Variants in GOLM2 observed in about 807,000 individuals in gnomAD.
The protein encoded by GOLM2 is golgi membrane protein 2, also known as protein GOLM2.
A neutral mutation model predicts 55.9 loss-of-function variants in GOLM2; 26 were observed. The observed-to-expected ratio is 0.47, with a 90% CI of 0.34 to 0.65. The LOEUF (loss-of-function observed/expected upper bound fraction) is 0.65, where lower values mean the gene tolerates loss of function less well. Among genes scored for constraint, GOLM2 ranks in the 30% least tolerant of loss-of-function variants. The pLI is 0.01. For missense variants in GOLM2, 486 were observed against 531.8 expected (o/e 0.91, Z 0.85); for synonymous variants, 165 against 194.6 (o/e 0.85, Z 1.27).
intron 8 of GOLM2, among the ~76,000 whole-genome samples, chr15:44,386,774 G>C (rs1483777296): frequency 6.6e-6 from 1 of 152,182 alleles, no homozygotes; most frequent in African/African-American, 2.4e-5. Flanking sequence ...TGGATGCTGA[G>C]GTGGGAGGAT....
At chr15:44,321,974 G>A (rs2078953564) in intron 1 of GOLM2, among the ~76,000 whole-genome samples, 1 of 152,114 alleles carries the variant, frequency 6.6e-6, no homozygotes, top group African/African-American at 2.4e-5. Flanking sequence ...TAGGAGGATA[G>A]ACTTGGGCCC....
chr15:44,345,138 T>A (rs1240270030), intron 6 of GOLM2, among the ~76,000 whole-genome samples: 2 of 151,034 alleles, frequency 1.3e-5, no homozygotes, highest in Admixed American at 1.3e-4. Flanking sequence ...AGATGGAGTT[T>A]CGCTCTTGTA....
chr15:44,300,967 C>A (rs947711271), intron 1 of GOLM2, among the ~76,000 whole-genome samples: 4 of 152,172 alleles, frequency 2.6e-5, no homozygotes, highest in African/African-American at 9.7e-5. Context: ...ATGTCTGATT[C>A]TTTCTCTTTT....
At chr15:44,376,759 A>G (rs971537518) in intron 6 of GOLM2, among the ~76,000 whole-genome samples, 14 of 152,184 alleles carry the variant, frequency 9.2e-5, no homozygotes, top group Non-Finnish European at 1.9e-4. Context: ...ACGACTAACT[A>G]TAATAATTAC....
At chr15:44,362,040 A>C (rs2079244146) in intron 6 of GOLM2, among the ~76,000 whole-genome samples, 1 of 152,204 alleles carries the variant, frequency 6.6e-6, no homozygotes, top group African/African-American at 2.4e-5. Flanking sequence ...GATGGAACAT[A>C]TCTCAAAATA....
At chr15:44,334,439 A>G (rs1044258584) in intron 4 of GOLM2, among the ~76,000 whole-genome samples, 2 of 152,226 alleles carry the variant, frequency 1.3e-5, no homozygotes, top group South Asian at 2.1e-4. Context: ...CCACATGTCT[A>G]TCATAGAAAT....
At chr15:44,296,727 C>A (rs1034059413) in intron 1 of GOLM2, among the ~76,000 whole-genome samples, 2 of 152,188 alleles carry the variant, frequency 1.3e-5, no homozygotes, top group Non-Finnish European at 2.9e-5. Flanking sequence ...CTACCTGCCT[C>A]ACCCTTTGCT....
intron 9 of GOLM2, among the ~76,000 whole-genome samples, chr15:44,405,171 C>T (rs2079589698): frequency 6.6e-6 from 1 of 152,198 alleles, no homozygotes; most frequent in African/African-American, 2.4e-5. Flanking sequence ...TACTTCAAGT[C>T]CCCAAGACCC....
chr15:44,339,364 A>G (rs1184994375), intron 6 of GOLM2, among the ~76,000 whole-genome samples: 1 of 152,124 alleles, frequency 6.6e-6, no homozygotes, highest in Non-Finnish European at 1.5e-5. Flanking sequence ...TTTGAGATAC[A>G]GTCTCTCTCT....
chr15:44,410,787 A>G (rs1469431680), intron 9 of GOLM2, among the ~76,000 whole-genome samples: 3 of 150,816 alleles, frequency 2.0e-5, no homozygotes, highest in Non-Finnish European at 4.4e-5. Context: ...CTGTAGTCCT[A>G]GCTACTCAGA....
chr15:44,303,145 CTAAATCTAGTA>C (rs2078811367), intron 1 of GOLM2, among the ~76,000 whole-genome samples: 1 of 150,754 alleles, frequency 6.6e-6, no homozygotes, highest in African/African-American at 2.5e-5. Flanking sequence ...AATAAATAGT[CTAAATCTAGTA>C]TAAATCTAAC....
In GOLM2 at chr15:44,333,057, C is replaced by T. The variant is rs549008636; in HGVS notation, c.576+979C>T. Among the ~76,000 whole-genome samples, 7 of 152,088 alleles carry T rather than the reference C, an allele frequency of 4.6e-5. No homozygotes were observed. The South Asian group carries it at 8.3e-4, about 18-fold the overall frequency. Reference sequence around the variant, plus strand: ...ACGCCATTCTCCTGCCTCAGCCTCCCGAGTAGCTCGGACTACAGGCGCCTG... The same window carrying T: ...ACGCCATTCTCCTGCCTCAGCCTCCTGAGTAGCTCGGACTACAGGCGCCTG... On this transcript the variant is annotated intron_variant, in intron 4 of 9. Transcript: ENST00000299957.
rs1491095871 is a variant in GOLM2, at chr15:44,369,067, T to TTTTATATATATA, written c.803-10622_803-10621insTTATATATATAT. ...AGATATATACATATAATAGGATATA[T>TTTTATATATATA]TATATATATATATATATATATATAT... On this transcript the variant is annotated intron_variant, in intron 6 of 9. Coordinates refer to ENST00000299957, the MANE Select transcript of GOLM2 (RefSeq NM_138423.4). 2.2e-4 allele frequency among the ~76,000 whole-genome samples: 5 copies of TTTTATATATATA among 22,960 alleles called. 1 individual carries two copies. Among genetic ancestry groups the TTTTATATATATA allele is most frequent in the African/African-American group, 6.1e-4 (4 of 6,514 alleles). 15.1% of individuals were successfully genotyped at this position (22,960 alleles called of 152,430 possible). A position where few individuals can be genotyped will look rare whatever the true frequency, so the allele number is the denominator to read the frequency against.
At chr15:44,377,574 G>C (rs1231768998) in intron 6 of GOLM2, among the ~76,000 whole-genome samples, 2 of 151,886 alleles carry the variant, frequency 1.3e-5, no homozygotes, top group Admixed American at 6.6e-5. Context: ...GGGTTTTGCT[G>C]TTTTGGCCAG....
intron 6 of GOLM2, among the ~76,000 whole-genome samples, chr15:44,340,862 T>C (rs2079086192): frequency 6.6e-6 from 1 of 152,130 alleles, no homozygotes; most frequent in African/African-American, 2.4e-5. Context: ...GATTAATCTA[T>C]TTTACATTGC....
intron 6 of GOLM2, among the ~76,000 whole-genome samples, chr15:44,371,267 G>A (rs2079328137): frequency 6.6e-6 from 1 of 152,142 alleles, no homozygotes; most frequent in Non-Finnish European, 1.5e-5. Flanking sequence ...GTTGTACAGT[G>A]CTTACAAACA....
intron 3 of GOLM2, among the ~76,000 whole-genome samples, chr15:44,330,002 C>A (rs1668236162): frequency 6.7e-6 from 1 of 150,136 alleles, no homozygotes; most frequent in Non-Finnish European, 1.5e-5. Flanking sequence ...GCTCTGCCTC[C>A]CGGGTTCACA....
At chr15:44,394,167 T>C (rs1233317143) in intron 8 of GOLM2, among the ~76,000 whole-genome samples, 1 of 152,160 alleles carries the variant, frequency 6.6e-6, no homozygotes, top group East Asian at 1.9e-4. Flanking sequence ...GCCTCAGGCA[T>C]ACAAAAACAT....
At chr15:44,308,510 T>A (rs1157545150) in intron 1 of GOLM2, 1 of 152,240 alleles carries the variant, frequency 6.6e-6, no homozygotes, top group African/African-American at 2.4e-5. Context: ...TTGTGAGTAA[T>A]GCCTCTATAA....
Sources: allele counts gnomAD v4.1 joint callset (sites outside exome capture counted in the v4.1 genomes callset), GRCh38; gene constraint gnomAD v4.1.1; transcripts MANE v1.5; gene names NCBI Gene and HGNC (gene_info 2026-07-23, HGNC 2026-07-21).